The following SNX31 variants were observed in gnomAD, a reference collection of about 807,000 sequenced individuals.
SNX31 encodes the protein sorting nexin-31.
In SNX31, 58 loss-of-function variants were observed where a neutral mutation model predicts 65.4. The ratio of observed to expected loss-of-function variants is 0.89; its 90% confidence interval spans 0.72 to 1.10. The LOEUF (loss-of-function observed/expected upper bound fraction) is 1.10, where lower values mean the gene tolerates loss of function less well. SNX31 is among the 50% of genes least tolerant of loss of function. SNX31 has a pLI of 0.00. For missense variants in SNX31, 523 were observed against 529.7 expected (o/e 0.99, Z 0.12); for synonymous variants, 181 against 190.1 (o/e 0.95, Z 0.39).
intron 4 of SNX31, among the ~76,000 whole-genome samples, chr8:100,624,746 G>C (rs375117317): frequency 6.6e-5 from 10 of 152,230 alleles, no homozygotes; most frequent in African/African-American, 1.9e-4. Context: ...GGGGGGAAAA[G>C]TCAACCTGGT....
At chr8:100,621,892 G>A (rs1817722149) in intron 4 of SNX31, among the ~76,000 whole-genome samples, 1 of 152,226 alleles carries the variant, frequency 6.6e-6, no homozygotes, top group Non-Finnish European at 1.5e-5. Context: ...GAAGAAGGAA[G>A]GAAGGGCAGG....
intron 4 of SNX31, chr8:100,618,965 G>C (rs1227143911): frequency 6.6e-6 from 1 of 152,144 alleles, no homozygotes; most frequent in Non-Finnish European, 1.5e-5. Flanking sequence ...TAAATCATTG[G>C]CCACTGGTGA....
At chr8:100,579,158 A>G (rs1412549308) in intron 12 of SNX31, among the ~76,000 whole-genome samples, 6 of 152,184 alleles carry the variant, frequency 3.9e-5, no homozygotes, top group African/African-American at 1.4e-4. Flanking sequence ...GCAGCCATGA[A>G]ATACAGAGCT....
chr8:100,646,537 A>G (rs997700678), intron 2 of SNX31, among the ~76,000 whole-genome samples: 1 of 152,194 alleles, frequency 6.6e-6, no homozygotes, highest in African/African-American at 2.4e-5. Flanking sequence ...ACAGGTGCAA[A>G]TCTCCTCCAC....
intron 2 of SNX31, among the ~76,000 whole-genome samples, chr8:100,647,907 A>G (rs1463143095): frequency 1.3e-5 from 2 of 152,194 alleles, no homozygotes; most frequent in Non-Finnish European, 2.9e-5. Flanking sequence ...TGTTTCAGTC[A>G]CAAGTAGCTT....
At position 100,573,926 on chromosome 8, in the gene SNX31, C is replaced by T. The variant is rs767107523; in HGVS notation, c.1262G>A (p.Ser421Asn). ...GTCATCTTTAGCTATCTTAATCTTG[C>T]TTTTTCTTGATAGAAAACTAGAATA... ...KDYSSFLSRK[S>N]KIKIAKDDCV... Residue 421 changes from serine (S) to asparagine (N), a missense_variant, in exon 14 of 14, where the codon AGC becomes AAC. Physicochemically the swap from Ser to Asn is conservative, Grantham distance 46 (BLOSUM62 1). Transcript: ENST00000311812. 205 of 1,587,008 alleles carry T rather than the reference C, an allele frequency of 1.3e-4. No homozygotes were observed. The highest frequency in any genetic ancestry group is 1.7e-4 in the Non-Finnish European group (193 of 1,168,210).
chr8:100,654,962 G>A (rs954457683), intron 1 of SNX31, among the ~76,000 whole-genome samples: 1 of 152,192 alleles, frequency 6.6e-6, no homozygotes, highest in Non-Finnish European at 1.5e-5. Flanking sequence ...GCAGTAAACT[G>A]AGATTGTGCC....
chr8:100,656,244 T>C (rs1820050586), intron 1 of SNX31, among the ~76,000 whole-genome samples: 1 of 152,212 alleles, frequency 6.6e-6, no homozygotes, highest in Admixed American at 6.5e-5. Context: ...GTCTCTCAAG[T>C]CACCTGCTTG....
intron 4 of SNX31, among the ~76,000 whole-genome samples, chr8:100,623,358 G>C (rs1817831380): frequency 6.6e-6 from 1 of 152,170 alleles, no homozygotes; most frequent in African/African-American, 2.4e-5. Context: ...CTCCCGCCAG[G>C]CTCCACCTCC....
rs1220922681 is a variant in SNX31 at position 100,611,102 on chromosome 8, G to A, written c.611+898C>T. Among the ~76,000 whole-genome samples the A allele has an allele frequency of 2.0e-5, 3 of 152,186 alleles. No homozygotes were observed. The East Asian group carries it at 5.8e-4, about 29-fold the overall frequency. ...GTATTTTCTGCAGAGGGATACTTGTGTCCTACCTATCTAGGAATATGGATG... is the reference window on the plus strand; with the variant it reads ...GTATTTTCTGCAGAGGGATACTTGTATCCTACCTATCTAGGAATATGGATG... On this transcript the variant is annotated intron_variant, in intron 7 of 13. Transcript: ENST00000311812.
intron 2 of SNX31, among the ~76,000 whole-genome samples, chr8:100,645,509 C>T (rs1056301381): frequency 6.7e-6 from 1 of 150,204 alleles, no homozygotes; most frequent in Non-Finnish European, 1.5e-5. Flanking sequence ...CATACTTATA[C>T]TAAAAAAAAT....
chr8:100,589,943 A>G (rs1383582805), intron 10 of SNX31, among the ~76,000 whole-genome samples: 1 of 152,220 alleles, frequency 6.6e-6, no homozygotes, highest in East Asian at 1.9e-4. Flanking sequence ...GTAATTCTCT[A>G]TGCTCCTCAT....
Position 100,618,187 on chromosome 8 carries a change from G to C in SNX31, c.322-457C>G, listed in dbSNP as rs117064062. The C allele has an allele frequency of 2.3e-4, 325 of 1,434,842 alleles. 1 individual carries two copies. The highest frequency in any genetic ancestry group is 2.8e-4 in the Non-Finnish European group (310 of 1,101,530). 88.9% of individuals were successfully genotyped at this position (1,434,842 alleles called of 1,614,324 possible). A position where few individuals can be genotyped will look rare whatever the true frequency, so the allele number is the denominator to read the frequency against. On this transcript the variant is annotated intron_variant, in intron 4 of 13. Coordinates refer to ENST00000311812, the MANE Select transcript of SNX31 (RefSeq NM_152628.4). ...AAGAGACAAGTGCAGAGATTGGAAG[G>C]GTTGTTTTGTGGGGTATAGTGGAGG...
rs908612287 is a variant in SNX31, at chr8:100,629,039, A to T, written c.321+1288T>A. 2.0e-5 allele frequency among the ~76,000 whole-genome samples: 3 copies of T among 152,226 alleles called. No homozygotes were observed. Among genetic ancestry groups the T allele is most frequent in the African/African-American group, 7.2e-5 (3 of 41,450 alleles). On this transcript the variant is annotated intron_variant, in intron 4 of 13. Coordinates refer to ENST00000311812, the MANE Select transcript of SNX31 (RefSeq NM_152628.4). This position sits in a 1 kb window ranked among gnomAD's most constrained non-coding sequence, Gnocchi z 5.1. ...TACAGGTTTGTAGCCTAGGGGCAGTAGGCTCTACCATCTAGGTTTGTGGTG... is the reference window on the plus strand; with the variant it reads ...TACAGGTTTGTAGCCTAGGGGCAGTTGGCTCTACCATCTAGGTTTGTGGTG...
intron 2 of SNX31, among the ~76,000 whole-genome samples, chr8:100,637,930 A>G (rs1329902440): frequency 1.3e-5 from 2 of 152,204 alleles, no homozygotes; most frequent in Non-Finnish European, 2.9e-5. Flanking sequence ...TCCTGACCTC[A>G]GGTGATCTGG....
intron 10 of SNX31, among the ~76,000 whole-genome samples, chr8:100,595,454 G>A (rs1469251517): frequency 6.6e-6 from 1 of 152,036 alleles, no homozygotes; most frequent in East Asian, 1.9e-4. Flanking sequence ...GACCACAGGT[G>A]CACACCACCA....
Position 100,629,176 on chromosome 8 carries a change from CAT to C in SNX31, c.321+1149_321+1150del, listed in dbSNP as rs752075467. ...ATGTGTATATATATGTGTGCATGTA[CAT>C]ATATATGTATATATATGCATGCTTA... On this transcript the variant is annotated intron_variant, in intron 4 of 13. Transcript: ENST00000311812. The surrounding 1 kb of genome is among the most constrained non-coding windows in gnomAD (Gnocchi z 5.1). Among the ~76,000 whole-genome samples, 31 of 152,110 alleles carry C rather than the reference CAT, an allele frequency of 2.0e-4. No individual in the cohort carries two copies. The highest frequency in any genetic ancestry group is 4.6e-4 in the Admixed American group (7 of 15,268).
chr8:100,651,383 G>A (rs1314903982), upstream of SNX31, among the ~76,000 whole-genome samples: 3 of 152,164 alleles, frequency 2.0e-5, no homozygotes, highest in African/African-American at 7.2e-5. Context: ...AGAGCATTTT[G>A]GTCAGACCCA....
In SNX31 at chr8:100,609,829, A is replaced by T. The variant is rs932075571; in HGVS notation, c.612-1266T>A. Among the ~76,000 whole-genome samples, 17 of 152,176 alleles carry T rather than the reference A, an allele frequency of 1.1e-4. No homozygotes were observed. Among genetic ancestry groups the T allele is most frequent in the Non-Finnish European group, 1.9e-4 (13 of 68,014 alleles). Reference sequence around the variant, plus strand: ...TGTGCAGAGAATAGACCCATCCCAGACTGGGGCTCCCACAGGCCAGCACAG... The same window carrying T: ...TGTGCAGAGAATAGACCCATCCCAGTCTGGGGCTCCCACAGGCCAGCACAG... On this transcript the variant is annotated intron_variant, in intron 7 of 13. Coordinates refer to ENST00000311812, the MANE Select transcript of SNX31 (RefSeq NM_152628.4). This position sits in a 1 kb window ranked among gnomAD's most constrained non-coding sequence, Gnocchi z 4.9.
Sources: allele counts gnomAD v4.1 joint callset (sites outside exome capture counted in the v4.1 genomes callset), GRCh38; gene constraint gnomAD v4.1.1; non-coding constraint Gnocchi (gnomAD v3.1); transcripts MANE v1.5; gene names NCBI Gene and HGNC (gene_info 2026-07-23, HGNC 2026-07-21).